The following MAMDC2 variants were observed in gnomAD, a reference collection of about 807,000 sequenced individuals.
MAMDC2 encodes MAM domain-containing protein 2.
MAMDC2 carries 57 observed loss-of-function variants against 89.8 expected under a neutral mutation model. The observed-to-expected ratio is 0.63, with a 90% CI of 0.51 to 0.79. The LOEUF (loss-of-function observed/expected upper bound fraction) is 0.79. MAMDC2 is among the 30% of genes least tolerant of loss of function. The pLI, the probability that MAMDC2 is intolerant of heterozygous loss-of-function variation, is 0.00. For missense variants in MAMDC2, 800 were observed against 820.6 expected (o/e 0.97, Z 0.31); for synonymous variants, 313 against 293.4 (o/e 1.07, Z -0.68).
intron 12 of MAMDC2, 143 bp downstream of exon 12, chr9:70,218,739 T>C: frequency 4.4e-6 from 4 of 905,266 alleles, no homozygotes; most frequent in Non-Finnish European, 6.3e-6. Flanking sequence ...GTAAACATAA[T>C]TAGTCTATAC....
At chr9:70,112,208 G>T (rs1057145852) in intron 4 of MAMDC2, among the ~76,000 whole-genome samples, 35 of 152,122 alleles carry the variant, frequency 2.3e-4, no homozygotes, top group Non-Finnish European at 4.6e-4. Flanking sequence ...TGATTATAAG[G>T]GTCAATGGAG....
At chr9:70,062,013 C>A (rs575453077) in intron 2 of MAMDC2, among the ~76,000 whole-genome samples, 9 of 152,286 alleles carry the variant, frequency 5.9e-5, no homozygotes, top group Non-Finnish European at 1.0e-4. Context: ...CACACCCAAG[C>A]CTTGAAGAAT....
At chr9:70,108,178 T>G (rs1828391268) in intron 2 of MAMDC2, 33 bp from the exon 3 acceptor site, 1 of 1,506,774 alleles carries the variant, frequency 6.6e-7, no homozygotes, top group Admixed American at 2.4e-5. Flanking sequence ...AAACAAAAAT[T>G]GATCCTTTTC....
intron 9 of MAMDC2, among the ~76,000 whole-genome samples, chr9:70,149,728 T>C (rs2031524354): frequency 6.6e-6 from 1 of 152,182 alleles, no homozygotes; most frequent in Admixed American, 6.5e-5. Context: ...TGGGAATCAG[T>C]ATTTTATAAA....
intron 12 of MAMDC2, among the ~76,000 whole-genome samples, chr9:70,221,683 GAT>G (rs1344463430): frequency 6.6e-6 from 1 of 151,922 alleles, no homozygotes; most frequent in Non-Finnish European, 1.5e-5. Flanking sequence ...TGAGGTGACA[GAT>G]ATGTTAATTA....
At chr9:70,210,621 T>A (rs1476128419) in intron 11 of MAMDC2, among the ~76,000 whole-genome samples, 1 of 152,224 alleles carries the variant, frequency 6.6e-6, no homozygotes, top group African/African-American at 2.4e-5. Context: ...TTGGAGCATT[T>A]AGCCCATTTA....
In MAMDC2 at chr9:70,126,364, T is replaced by A. The variant is rs762765319; in HGVS notation, c.849T>A (p.Asn283Lys). Residue 283 changes from asparagine to lysine, a missense_variant, in exon 6 of 14, where the codon AAT becomes AAA. By Grantham distance (94) the Asn-to-Lys change is moderately conservative. Coordinates refer to ENST00000377182, the MANE Select transcript of MAMDC2 (RefSeq NM_153267.5). ...EEIWKADRPG[N>K]AAWNLAEVEF... ...TCTGGAAAGCAGACAGGCCAGGGAA[T>A]GCTGCCTGGAACCTTGCGGAGGTCG... is the stretch of plus-strand genomic sequence containing the variant. 1 of 1,614,068 alleles carries A rather than the reference T, an allele frequency of 6.2e-7. No individual in the cohort carries two copies.
intron 2 of MAMDC2, among the ~76,000 whole-genome samples, chr9:70,050,537 A>G (rs1826869974): frequency 6.6e-6 from 1 of 152,246 alleles, no homozygotes; most frequent in South Asian, 2.1e-4. Flanking sequence ...TGAGATAGTA[A>G]AAGTACCTAT....
At chr9:70,183,429 A>G (rs2032685341) in intron 11 of MAMDC2, among the ~76,000 whole-genome samples, 1 of 151,398 alleles carries the variant, frequency 6.6e-6, no homozygotes, top group African/African-American at 2.4e-5. Context: ...CATTGATCTA[A>G]TACTGACAAT....
At chr9:70,156,110 G>A (rs2031756314) in intron 9 of MAMDC2, among the ~76,000 whole-genome samples, 1 of 152,042 alleles carries the variant, frequency 6.6e-6, no homozygotes, top group Admixed American at 6.6e-5. Flanking sequence ...CAGAAACTGT[G>A]TTTTAACATT....
intron 5 of MAMDC2, among the ~76,000 whole-genome samples, chr9:70,113,471 C>T (rs900932954): frequency 1.3e-5 from 2 of 152,158 alleles, no homozygotes; most frequent in Non-Finnish European, 2.9e-5. Flanking sequence ...TTTCTAAAGA[C>T]AAGGCTGGAA....
intron 2 of MAMDC2, among the ~76,000 whole-genome samples, chr9:70,067,695 C>G (rs533006327): frequency 6.6e-6 from 1 of 152,270 alleles, no homozygotes; most frequent in South Asian, 2.1e-4. Flanking sequence ...TAGGATCTTT[C>G]AGTTCGGTGA....
At chr9:70,106,876 G>A (rs1185225647) in intron 2 of MAMDC2, among the ~76,000 whole-genome samples, 2 of 152,198 alleles carry the variant, frequency 1.3e-5, no homozygotes, top group Non-Finnish European at 2.9e-5. Context: ...GCCGTCATCT[G>A]AGCTCCAGTT....
chr9:70,166,276 TAC>T lies in MAMDC2; in HGVS notation c.1405-2398_1405-2397del, dbSNP rs567995952. 9.3e-3 allele frequency among the ~76,000 whole-genome samples: 1,294 copies of T among 139,112 alleles called. 21 individuals are homozygous for T. The highest frequency in any genetic ancestry group is 0.032 in the African/African-American group (1,229 of 38,168). The allele number at this position is 139,112 out of a possible 152,430, so 91.3% of individuals were successfully genotyped here. The stretch of plus-strand genomic sequence containing the variant: ...AACAAAACAGAAATATATATATATA[TAC>T]ACACACACACACACACACACACACA... On this transcript the variant is annotated intron_variant, in intron 9 of 13. Coordinates refer to ENST00000377182, the MANE Select transcript of MAMDC2 (RefSeq NM_153267.5).
intron 3 of MAMDC2, 139 bp downstream of exon 3, chr9:70,108,621 A>G (rs745852): frequency 0.1 from 66,530 of 647,610 alleles, 4,617 homozygotes; most frequent in East Asian, 0.27. Flanking sequence ...CATACCATAG[A>G]AGAATATTAG....
intron 8 of MAMDC2, 143 bp from the exon 9 acceptor site, chr9:70,143,411 C>G: frequency 1.1e-6 from 1 of 873,388 alleles, no homozygotes; most frequent in South Asian, 1.8e-5. Context: ...GTCACTTAAG[C>G]CACAGACATT....
chr9:70,175,571 T>C (rs1373616774), intron 11 of MAMDC2, among the ~76,000 whole-genome samples: 3 of 152,206 alleles, frequency 2.0e-5, no homozygotes, highest in Non-Finnish European at 4.4e-5. Flanking sequence ...ATCATAAGTA[T>C]GTATGTATAG....
chr9:70,084,848 C>A (rs770611458), intron 2 of MAMDC2, among the ~76,000 whole-genome samples: 2 of 151,150 alleles, frequency 1.3e-5, no homozygotes, highest in Non-Finnish European at 3.0e-5. Context: ...CAGTACGTGG[C>A]CAGAAAGGGG....
chr9:70,143,602 T>A lies in MAMDC2; in HGVS notation c.1187T>A (p.Ile396Asn). 6.2e-7 allele frequency: 1 copy of A among 1,614,192 alleles called. No homozygotes were observed. The change falls in exon 9 of 14, where the codon ATT becomes AAT. Residue 396 changes from isoleucine (I) to asparagine (N), a missense_variant. Ile to Asn is a moderately radical substitution (Grantham distance 149). Coordinates refer to ENST00000377182, the MANE Select transcript of MAMDC2 (RefSeq NM_153267.5). ...NTKFTSQPGY[I>N]GRLYGPSLPG... ...AAGTTCACATCTCAGCCTGGCTACA[T>A]TGGAAGGCTCTATGGGCCCTCCCTA...
Sources: gnomAD v4.1 joint callset for allele counts (sites outside exome capture counted in the v4.1 genomes callset) on GRCh38, gnomAD v4.1.1 for gene constraint, MANE v1.5 for transcripts, NCBI Gene and HGNC (gene_info 2026-07-23, HGNC 2026-07-21) for gene names.